Variants in PDE10A observed in about 807,000 individuals in gnomAD.
PDE10A encodes cAMP and cAMP-inhibited cGMP 3',5'-cyclic phosphodiesterase 10A.
PDE10A carries 39 observed loss-of-function variants against 97.7 expected under a neutral mutation model. That is an observed-to-expected ratio of 0.40 (90% CI 0.31 to 0.52). PDE10A has a LOEUF of 0.52. Among genes scored for constraint, PDE10A ranks in the 20% least tolerant of loss-of-function variants. The probability of loss-of-function intolerance (pLI) is 0.56; values close to 1 mark genes in which losing one functional copy is unlikely to be tolerated. For synonymous variants in PDE10A, 371 were observed against 376.8 expected, an observed-to-expected ratio of 0.98 and a Z score of 0.18; for missense variants, 731 against 1,047.8, an observed-to-expected ratio of 0.70 and a Z score of 4.17.
chr6:165,690,805 C>T lies in PDE10A; in HGVS notation c.-614-147237G>A, dbSNP rs1210921778. ...TTCATGTGTTAACTTGACTGAGCCACGGGATGCCCAGATATTTCATCAAAC... is the reference window on the plus strand; with the variant it reads ...TTCATGTGTTAACTTGACTGAGCCATGGGATGCCCAGATATTTCATCAAAC... On this transcript the variant is annotated intron_variant, in intron 1 of 19. Coordinates refer to the PDE10A transcript ENST00000366882. Among the ~76,000 whole-genome samples, 58 of 152,316 alleles carry T rather than the reference C, an allele frequency of 3.8e-4. 1 individual carries two copies. The highest frequency in any genetic ancestry group is 3.4e-3 in the Middle Eastern group (1 of 294).
intron 2 of PDE10A, among the ~76,000 whole-genome samples, chr6:165,485,447 GAC>G (rs1472250345): frequency 7.5e-6 from 1 of 133,548 alleles, no homozygotes; most frequent in Non-Finnish European, 1.5e-5. Context: ...CAGCCTGGGT[GAC>G]AGAGTGAGAC....
intron 1 of PDE10A, among the ~76,000 whole-genome samples, chr6:165,721,000 A>G (rs1792155368): frequency 6.6e-6 from 1 of 152,214 alleles, no homozygotes; most frequent in South Asian, 2.1e-4. Context: ...ACGTATGGAA[A>G]GTTATGTGTA....
chr6:165,916,486 G>A (rs1219991020), intron 1 of PDE10A, among the ~76,000 whole-genome samples: 1 of 152,196 alleles, frequency 6.6e-6, no homozygotes, highest in Admixed American at 6.5e-5. Context: ...GGTCATTTAT[G>A]AGATGGTAAT....
At chr6:165,916,390 C>G (rs1385166940) in intron 1 of PDE10A, among the ~76,000 whole-genome samples, 1 of 152,194 alleles carries the variant, frequency 6.6e-6, no homozygotes, top group African/African-American at 2.4e-5. Flanking sequence ...CTTTCCCAAA[C>G]CAAGTGATTG....
At chr6:165,505,252 C>A (rs913510181) in intron 2 of PDE10A, among the ~76,000 whole-genome samples, 11 of 152,122 alleles carry the variant, frequency 7.2e-5, no homozygotes, top group African/African-American at 2.7e-4. Context: ...TGAAACATCT[C>A]ATGATAAAGC....
chr6:165,825,611 C>G (rs1378481786), intron 1 of PDE10A, among the ~76,000 whole-genome samples: 3 of 152,228 alleles, frequency 2.0e-5, no homozygotes, highest in Non-Finnish European at 4.4e-5. Context: ...CCAACAAAAG[C>G]CAAATGCCCA....
At chr6:165,871,513 T>C (rs1669237224) in intron 1 of PDE10A, among the ~76,000 whole-genome samples, 1 of 152,136 alleles carries the variant, frequency 6.6e-6, no homozygotes, top group African/African-American at 2.4e-5. Flanking sequence ...GCTGATTAGG[T>C]GGCACCAATT....
At chr6:165,532,150 T>C (rs1035491965) in intron 2 of PDE10A, among the ~76,000 whole-genome samples, 3 of 152,092 alleles carry the variant, frequency 2.0e-5, no homozygotes, top group Non-Finnish European at 4.4e-5. Context: ...CTAATTGGAA[T>C]TGTTTGTGCC....
chr6:165,380,213 G>A (rs1202809495), intron 17 of PDE10A, among the ~76,000 whole-genome samples: 2 of 152,186 alleles, frequency 1.3e-5, no homozygotes, highest in Non-Finnish European at 2.9e-5. Flanking sequence ...TCAATTTGCA[G>A]ATTCATCAAT....
chr6:165,756,318 A>C (rs778488714), intron 1 of PDE10A, among the ~76,000 whole-genome samples: 4 of 152,194 alleles, frequency 2.6e-5, no homozygotes, highest in Admixed American at 2.6e-4. Flanking sequence ...GTAGGCATTC[A>C]CATTGTTCAA....
intron 1 of PDE10A, among the ~76,000 whole-genome samples, chr6:165,741,934 T>C (rs570737536): frequency 3.3e-5 from 5 of 152,324 alleles, no homozygotes; most frequent in East Asian, 1.9e-4. Context: ...AGATGACATA[T>C]TGAGACAGTA....
At chr6:165,653,357 T>A (rs970757051) in intron 1 of PDE10A, among the ~76,000 whole-genome samples, 3 of 152,090 alleles carry the variant, frequency 2.0e-5, no homozygotes, top group Non-Finnish European at 4.4e-5. Flanking sequence ...CCAGCAAGGA[T>A]GGAAGCACGG....
At chr6:165,883,235 A>G (rs1781536669) in intron 1 of PDE10A, among the ~76,000 whole-genome samples, 1 of 151,952 alleles carries the variant, frequency 6.6e-6, no homozygotes, top group African/African-American at 2.4e-5. Flanking sequence ...GACTCTGTCA[A>G]AGAAAATAAA....
chr6:165,446,198 C>T (rs1790837569), intron 5 of PDE10A, among the ~76,000 whole-genome samples: 1 of 152,086 alleles, frequency 6.6e-6, no homozygotes, highest in South Asian at 2.1e-4. Flanking sequence ...AAGATATATT[C>T]CAAGGAGCGG....
chr6:165,771,920 G>C (rs1262388941), intron 1 of PDE10A, among the ~76,000 whole-genome samples: 1 of 152,314 alleles, frequency 6.6e-6, no homozygotes, highest in South Asian at 2.1e-4. Context: ...CAGAGAGACC[G>C]GGGCACCAGA....
intron 1 of PDE10A, among the ~76,000 whole-genome samples, chr6:165,790,535 C>T (rs1337445301): frequency 6.6e-6 from 1 of 152,052 alleles, no homozygotes; most frequent in Non-Finnish European, 1.5e-5. Flanking sequence ...ATTCTATGTG[C>T]GGCAGGGGTG....
chr6:165,379,536 C>T (rs1014221654), intron 17 of PDE10A, among the ~76,000 whole-genome samples, 170 bp from the exon 18 acceptor site: 3 of 152,038 alleles, frequency 2.0e-5, no homozygotes, highest in Non-Finnish European at 4.4e-5. Context: ...CTAACGAAAA[C>T]TGCGTTTTGG....
chr6:165,406,228 A>ATGTGTGTGTTTGTGTGTGTG (rs1554256589), intron 13 of PDE10A, among the ~76,000 whole-genome samples: 8 of 140,424 alleles, frequency 5.7e-5, no homozygotes, highest in Non-Finnish European at 1.1e-4. Context: ...AGGGAAAAGG[A>ATGTGTGTGTTTGTGTGTGTG]TGTGTGTGTG....
At chr6:165,651,960 T>C (rs1191146538) in intron 1 of PDE10A, among the ~76,000 whole-genome samples, 1 of 152,182 alleles carries the variant, frequency 6.6e-6, no homozygotes, top group African/African-American at 2.4e-5. Context: ...CTGCCACGTG[T>C]CTGGGTTTGT....
Sources: allele counts gnomAD v4.1 joint callset (sites outside exome capture counted in the v4.1 genomes callset), GRCh38; gene constraint gnomAD v4.1.1; transcripts MANE v1.5; gene names NCBI Gene and HGNC (gene_info 2026-07-23, HGNC 2026-07-21).